ARID1B: variants seen among roughly 807,000 people sequenced by gnomAD.
The protein encoded by ARID1B is AT-rich interaction domain 1B.
In ARID1B, 30 loss-of-function variants were observed where a neutral mutation model predicts 212.3. The ratio of observed to expected loss-of-function variants is 0.14; its 90% CI spans 0.11 to 0.19. ARID1B has a LOEUF of 0.19. ARID1B is among the 10% of genes least tolerant of loss of function. The pLI, the probability that ARID1B is intolerant of heterozygous loss-of-function variation, is 1.00. For synonymous variants in ARID1B, 1,402 were observed against 1,301.7 expected, an observed-to-expected ratio of 1.08 and a Z score of -1.66; for missense variants, 2,891 against 3,204.0, an observed-to-expected ratio of 0.90 and a Z score of 2.36.
In ARID1B at chr6:156,778,958, CGCGGCGGCG is replaced by C. The variant is rs764418312; in HGVS notation, c.1284_1292del (p.Ala431_Ala433del). The C allele has an allele frequency of 9.4e-6, 12 of 1,272,710 alleles. No individual in the cohort carries two copies. In the African/African-American group the frequency reaches 9.7e-5, roughly 10 times the overall value. The allele number at this position is 1,272,710 out of a possible 1,614,324, so 78.8% of individuals were successfully genotyped here. ...GAGCGGGAGCTGTGGCGGCGGCGGC[CGCGGCGGCG>C]GCGGCAGCAGCAGGAGGCGGCGGCG... On this transcript the variant is annotated inframe_deletion, in exon 1 of 20. Coordinates refer to ENST00000636930, the MANE Select transcript of ARID1B (RefSeq NM_001374828.1).
intron 1 of ARID1B, among the ~76,000 whole-genome samples, chr6:156,805,424 G>A (rs1159379524): frequency 6.6e-6 from 1 of 152,084 alleles, no homozygotes; most frequent in African/African-American, 2.4e-5. Flanking sequence ...AAATGAGGTC[G>A]CATGTTTAAA....
At chr6:157,054,862 G>A (rs975272551) in intron 4 of ARID1B, among the ~76,000 whole-genome samples, 3 of 152,162 alleles carry the variant, frequency 2.0e-5, no homozygotes, top group African/African-American at 4.8e-5. Context: ...ATGGTTCACC[G>A]CTGTCTCAGC....
At chr6:156,943,730 G>C (rs530650733) in intron 4 of ARID1B, 1 of 152,178 alleles carries the variant, frequency 6.6e-6, no homozygotes, top group East Asian at 1.9e-4. Context: ...CTTACTAATA[G>C]CTAATTTTTT....
chr6:156,899,777 G>C (rs1788773979), intron 2 of ARID1B, among the ~76,000 whole-genome samples: 1 of 152,158 alleles, frequency 6.6e-6, no homozygotes, highest in African/African-American at 2.4e-5. Flanking sequence ...TTGTGTGTGA[G>C]GGCTTCTGTA....
intron 4 of ARID1B, among the ~76,000 whole-genome samples, chr6:156,971,992 A>G (rs57443307): frequency 0.051 from 7,841 of 152,266 alleles, 640 homozygotes; most frequent in African/African-American, 0.18. Context: ...ACCCAGAGCC[A>G]GGAATCCTGG....
At chr6:156,795,811 T>A (rs561043165) in intron 1 of ARID1B, among the ~76,000 whole-genome samples, 23 of 152,242 alleles carry the variant, frequency 1.5e-4, no homozygotes, top group Middle Eastern at 6.8e-3. Flanking sequence ...TACTGGGAAG[T>A]TTCTCTTTAT....
At chr6:156,966,386 C>CTTTTCTTTTTTCTTTTCTTTT (rs1794748843) in intron 4 of ARID1B, among the ~76,000 whole-genome samples, 4 of 38,916 alleles carry the variant, frequency 1.0e-4, no homozygotes, top group African/African-American at 3.1e-4. Context: ...CTTTTCTTTT[C>CTTTTCTTTTTTCTTTTCTTTT]TTTTTTTTTT....
intron 11 of ARID1B, among the ~76,000 whole-genome samples, chr6:157,178,876 T>C (rs1379042320): frequency 6.6e-6 from 1 of 152,172 alleles, no homozygotes; most frequent in Non-Finnish European, 1.5e-5. Flanking sequence ...ATTCTATTCA[T>C]CCAGAACCAC....
chr6:156,789,882 T>C (rs1209120661), intron 1 of ARID1B, among the ~76,000 whole-genome samples: 3 of 152,250 alleles, frequency 2.0e-5, no homozygotes, highest in African/African-American at 7.2e-5. Flanking sequence ...GAAACGTGTA[T>C]GCTGCTTGGC....
At chr6:156,866,715 A>G (rs1468607349) in intron 2 of ARID1B, among the ~76,000 whole-genome samples, 1 of 152,230 alleles carries the variant, frequency 6.6e-6, no homozygotes, top group Non-Finnish European at 1.5e-5. Flanking sequence ...GTGCTACTTT[A>G]TAAATACCTT....
intron 2 of ARID1B, among the ~76,000 whole-genome samples, chr6:156,872,607 C>T (rs1786229601): frequency 6.6e-6 from 1 of 152,112 alleles, no homozygotes; most frequent in Non-Finnish European, 1.5e-5. Flanking sequence ...TCCCAAGGTG[C>T]GAGCCACCAC....
intron 4 of ARID1B, among the ~76,000 whole-genome samples, chr6:157,053,580 A>C (rs558686693): frequency 1.5e-4 from 23 of 152,326 alleles, no homozygotes; most frequent in African/African-American, 4.8e-4. Flanking sequence ...CTGCAACTTT[A>C]TTCCTGAATT....
intron 4 of ARID1B, chr6:156,940,462 T>C (rs1266536195): frequency 6.6e-6 from 1 of 152,232 alleles, no homozygotes; most frequent in East Asian, 1.9e-4. Flanking sequence ...GTTTTTTGGC[T>C]CTTTGTGAAA....
intron 2 of ARID1B, among the ~76,000 whole-genome samples, chr6:156,848,428 T>C (rs938646437): frequency 1.3e-5 from 2 of 152,248 alleles, no homozygotes; most frequent in African/African-American, 4.8e-5. Flanking sequence ...CATTGCTGTT[T>C]ATGTAACTCT....
chr6:156,853,797 C>T (rs1784735697), intron 2 of ARID1B, among the ~76,000 whole-genome samples: 1 of 152,102 alleles, frequency 6.6e-6, no homozygotes. Context: ...AGTACAGTGG[C>T]ACGACCACGG....
At chr6:156,992,177 T>A (rs1455412280) in intron 4 of ARID1B, among the ~76,000 whole-genome samples, 3 of 152,186 alleles carry the variant, frequency 2.0e-5, no homozygotes, top group Non-Finnish European at 4.4e-5. Context: ...AAGCTAACAT[T>A]TTAGCTCTTG....
At chr6:157,018,717 A>T (rs2128468482) in intron 4 of ARID1B, among the ~76,000 whole-genome samples, 1 of 152,340 alleles carries the variant, frequency 6.6e-6, no homozygotes, top group South Asian at 2.1e-4. Flanking sequence ...ATTAATCTGT[A>T]GCAAACTTTT....
At chr6:156,943,328 A>G (rs1448581182) in intron 4 of ARID1B, 1 of 152,212 alleles carries the variant, frequency 6.6e-6, no homozygotes, top group Admixed American at 6.5e-5. Context: ...CCGTGCGTGC[A>G]TTCTATTTTA....
chr6:157,073,598 G>A (rs376449826), intron 4 of ARID1B, among the ~76,000 whole-genome samples: 39 of 152,268 alleles, frequency 2.6e-4, no homozygotes, highest in African/African-American at 8.7e-4. Context: ...TCAGATTCAC[G>A]ATTGCATTTA....
Sources: allele counts gnomAD v4.1 joint callset (sites outside exome capture counted in the v4.1 genomes callset), GRCh38; gene constraint gnomAD v4.1.1; transcripts MANE v1.5; gene names NCBI Gene and HGNC (gene_info 2026-07-23, HGNC 2026-07-21).